TBXAS1: variants seen among roughly 807,000 people sequenced by gnomAD.
The protein encoded by TBXAS1 is thromboxane A synthase 1.
A neutral mutation model predicts 60.7 loss-of-function variants in TBXAS1; 48 were observed. The ratio of observed to expected loss-of-function variants is 0.79; its 90% CI spans 0.63 to 1.01. The LOEUF is 1.01. Among genes scored for constraint, TBXAS1 ranks in the 50% least tolerant of loss-of-function variants. TBXAS1 has a pLI of 0.00. For synonymous variants in TBXAS1, 287 were observed against 269.7 expected (o/e 1.06, Z -0.63); for missense variants, 685 against 686.3 (o/e 1.00, Z 0.02).
rs554160768 is a variant in TBXAS1, at chr7:139,980,440, A to G, written c.1134+18207A>G. Among the ~76,000 whole-genome samples the G allele has an allele frequency of 2.0e-5, 3 of 152,250 alleles. No homozygotes were observed. In the East Asian group the frequency reaches 5.8e-4, roughly 29 times the overall value. On this transcript the variant is annotated intron_variant, in intron 9 of 12. Coordinates refer to ENST00000448866, the MANE Select transcript of TBXAS1 (RefSeq NM_001061.7). ...TGCTCCAACTTGGTTACACATTTCC[A>G]GAAACCAGCACCTCCCTGTTGTCCA...
chr7:139,834,852 A>G (rs1048466180), intron 1 of TBXAS1, among the ~76,000 whole-genome samples: 1 of 152,196 alleles, frequency 6.6e-6, no homozygotes, highest in Non-Finnish European at 1.5e-5. Context: ...AAAAAAGTCC[A>G]GGACCATAAG....
At chr7:139,948,202 C>T (rs1808896007) in intron 5 of TBXAS1, among the ~76,000 whole-genome samples, 1 of 152,128 alleles carries the variant, frequency 6.6e-6, no homozygotes, top group Non-Finnish European at 1.5e-5. Context: ...AGGCTGGGTG[C>T]CAGCGTTGTT....
intron 4 of TBXAS1, among the ~76,000 whole-genome samples, chr7:139,812,877 C>T (rs1798052219): frequency 1.3e-5 from 2 of 151,828 alleles, no homozygotes. Flanking sequence ...GCCATCATGG[C>T]AAAACCCGGT....
Position 140,017,661 on chromosome 7 carries a change from G to T in TBXAS1, c.1365-10G>T. Reference sequence around the variant, plus strand: ...TGTTCTGGGCCAGCCCTGACCACACGGACCTGCAGGTTCACGGCTGAGGCC... The same window carrying T: ...TGTTCTGGGCCAGCCCTGACCACACTGACCTGCAGGTTCACGGCTGAGGCC... On this transcript the variant is annotated splice_polypyrimidine_tract_variant and intron_variant, in intron 11 of 12. Coordinates refer to ENST00000448866, the MANE Select transcript of TBXAS1 (RefSeq NM_001061.7). The T allele has an allele frequency of 1.9e-6, 3 of 1,612,432 alleles. No individual in the cohort carries two copies. Among genetic ancestry groups the T allele is most frequent in the Middle Eastern group, 1.9e-4 (1 of 5,226 alleles).
chr7:139,875,142 T>G (rs17161198), intron 2 of TBXAS1, among the ~76,000 whole-genome samples: 2,337 of 152,234 alleles, frequency 0.015, 34 homozygotes, highest in African/African-American at 0.034. Flanking sequence ...TAGCATTTTG[T>G]CTTATATATC....
intron 3 of TBXAS1, among the ~76,000 whole-genome samples, chr7:139,886,189 G>T (rs574879339): frequency 7.9e-5 from 12 of 152,074 alleles, no homozygotes; most frequent in Admixed American, 1.3e-4. Context: ...ATTATTCTTC[G>T]TATCTCAAGA....
chr7:139,805,155 C>A (rs928828126), intron 4 of TBXAS1, among the ~76,000 whole-genome samples: 1 of 152,248 alleles, frequency 6.6e-6, no homozygotes, highest in Non-Finnish European at 1.5e-5. Context: ...CCATCAGTGG[C>A]GCTAGCCAGG....
chr7:139,941,433 G>GT lies in TBXAS1; in HGVS notation c.450+5138dup, dbSNP rs8192834. 2.4e-3 allele frequency among the ~76,000 whole-genome samples: 359 copies of GT among 147,944 alleles called. 2 individuals are homozygous for GT. Among genetic ancestry groups the GT allele is most frequent in the African/African-American group, 5.3e-3 (212 of 40,270 alleles). Reference sequence around the variant, plus strand: ...CCATATTTGTATTTAAATTAAAATTGTTTTTTTTTTTTGGCCTATGTCATA... The same window carrying GT: ...CCATATTTGTATTTAAATTAAAATTGTTTTTTTTTTTTTGGCCTATGTCATA... On this transcript the variant is annotated intron_variant, in intron 5 of 12. Coordinates refer to ENST00000448866, the MANE Select transcript of TBXAS1 (RefSeq NM_001061.7).
chr7:139,829,245 GAGCAC>G, upstream of TBXAS1: 1 of 734,350 alleles, frequency 1.4e-6, no homozygotes, highest in Non-Finnish European at 2.4e-6. Flanking sequence ...CTCTGAGAAA[GAGCAC>G]ATTGTGGGGG....
intron 3 of TBXAS1, among the ~76,000 whole-genome samples, chr7:139,782,880 TC>T (rs767880352): frequency 3.9e-5 from 6 of 152,350 alleles, no homozygotes; most frequent in Admixed American, 6.5e-5. Flanking sequence ...TATTTCTTCT[TC>T]CTCTCCCTTT....
At chr7:139,911,583 G>A (rs1805524587) in intron 4 of TBXAS1, among the ~76,000 whole-genome samples, 1 of 152,206 alleles carries the variant, frequency 6.6e-6, no homozygotes, top group Non-Finnish European at 1.5e-5. Context: ...CTAAAACCAA[G>A]AGGGTTTTCT....
chr7:139,963,002 T>A (rs1810491475), intron 9 of TBXAS1: 2 of 152,370 alleles, frequency 1.3e-5, no homozygotes, highest in Middle Eastern at 3.4e-3. Context: ...GGTGGTCTGT[T>A]CTGTTACTGG....
chr7:139,902,747 CAT>C (rs1569511057), intron 3 of TBXAS1, among the ~76,000 whole-genome samples: 1 of 152,170 alleles, frequency 6.6e-6, no homozygotes, highest in East Asian at 1.9e-4. Flanking sequence ...ACTTTCTCCA[CAT>C]GTTTGCCAGC....
intron 9 of TBXAS1, among the ~76,000 whole-genome samples, chr7:139,970,327 G>A (rs927406280): frequency 8.5e-5 from 13 of 152,080 alleles, no homozygotes; most frequent in African/African-American, 1.4e-4. Flanking sequence ...GGCTAGTCTC[G>A]AACTCCTGAC....
chr7:139,809,751 T>A (rs1009119800), intron 4 of TBXAS1, among the ~76,000 whole-genome samples: 4 of 152,184 alleles, frequency 2.6e-5, no homozygotes, highest in African/African-American at 9.6e-5. Context: ...TGGATTCACC[T>A]GCCTTTTTGT....
chr7:139,898,442 T>G (rs757763), intron 3 of TBXAS1, among the ~76,000 whole-genome samples: 45,518 of 117,200 alleles, frequency 0.39, 8,635 homozygotes, highest in South Asian at 0.48. Flanking sequence ...TTTTTTTTTT[T>G]TTTGAGACAG....
chr7:139,799,278 G>T (rs1011021521), intron 4 of TBXAS1, among the ~76,000 whole-genome samples: 1 of 150,116 alleles, frequency 6.7e-6, no homozygotes. Context: ...TGCCCAGGCT[G>T]GAGTGTAGTG....
chr7:139,813,574 A>G (rs1798076681), intron 4 of TBXAS1, among the ~76,000 whole-genome samples: 1 of 152,196 alleles, frequency 6.6e-6, no homozygotes, highest in African/African-American at 2.4e-5. Context: ...TCATAGAGTT[A>G]TAGGCTGTGG....
chr7:139,984,427 C>T (rs930571019), intron 9 of TBXAS1, among the ~76,000 whole-genome samples: 3 of 151,960 alleles, frequency 2.0e-5, no homozygotes, highest in African/African-American at 7.3e-5. Flanking sequence ...CACCCAGAGC[C>T]TCAGCACCTG....
Sources: gnomAD v4.1 joint callset for allele counts (sites outside exome capture counted in the v4.1 genomes callset) on GRCh38, gnomAD v4.1.1 for gene constraint, MANE v1.5 for transcripts, NCBI Gene and HGNC (gene_info 2026-07-23, HGNC 2026-07-21) for gene names.